WDFY4: variants seen among roughly 807,000 people sequenced by gnomAD.
The protein encoded by WDFY4 is WDFY family member 4.
In WDFY4, 169 loss-of-function variants were observed where a neutral mutation model predicts 351.9. That is an observed-to-expected ratio of 0.48 (90% CI 0.42 to 0.55). The LOEUF (loss-of-function observed/expected upper bound fraction) is 0.55. Among genes scored for constraint, WDFY4 ranks in the 20% least tolerant of loss-of-function variants. WDFY4 has a pLI of 0.00. For missense variants in WDFY4, 3,803 were observed against 3,935.6 expected, an observed-to-expected ratio of 0.97 and a Z score of 0.90; for synonymous variants, 1,622 against 1,574.6, an observed-to-expected ratio of 1.03 and a Z score of -0.71.
At chr10:48,812,179 C>CTTTTTTTTTT (rs1355851618) in intron 30 of WDFY4, among the ~76,000 whole-genome samples, 3 of 134,568 alleles carry the variant, frequency 2.2e-5, no homozygotes, top group African/African-American at 6.3e-5. Flanking sequence ...TCTTTCTTTT[C>CTTTTTTTTTT]TTTTTTTTTT....
intron 48 of WDFY4, 26 bp downstream of exon 48, chr10:48,941,874 C>A: frequency 6.4e-7 from 1 of 1,551,444 alleles, no homozygotes. Context: ...CAGAGGGAAG[C>A]CCTCTGGGAA....
intron 47 of WDFY4, among the ~76,000 whole-genome samples, chr10:48,904,111 G>A (rs1837497365): frequency 6.6e-6 from 1 of 152,206 alleles, no homozygotes; most frequent in Admixed American, 6.5e-5. Context: ...AGTCATTGAT[G>A]ACCTTCAATA....
chr10:48,760,551 G>A (rs11101460), intron 13 of WDFY4, 111 bp downstream of exon 13: 85,636 of 1,030,262 alleles, frequency 0.083, 4,318 homozygotes, highest in South Asian at 0.18. Flanking sequence ...AGTGCCCTGC[G>A]TTAGCAGAGC....
At chr10:48,701,234 C>T (rs751106035) in intron 1 of WDFY4, among the ~76,000 whole-genome samples, 15 of 152,214 alleles carry the variant, frequency 9.9e-5, no homozygotes, top group Non-Finnish European at 2.1e-4. Flanking sequence ...CAGGGTTCAT[C>T]CATGTCGTAG....
intron 1 of WDFY4, among the ~76,000 whole-genome samples, chr10:48,698,814 C>T (rs1167892520): frequency 2.0e-5 from 3 of 152,164 alleles, no homozygotes; most frequent in African/African-American, 7.2e-5. Context: ...AGAAACAGAA[C>T]AATAGGATGT....
intron 13 of WDFY4, among the ~76,000 whole-genome samples, chr10:48,770,829 G>A (rs1409124545): frequency 6.6e-6 from 1 of 152,204 alleles, no homozygotes; most frequent in Non-Finnish European, 1.5e-5. Context: ...CACATTCTGG[G>A]GAAGGGGACC....
intron 47 of WDFY4, among the ~76,000 whole-genome samples, chr10:48,905,685 G>T (rs1370579865): frequency 6.6e-6 from 1 of 152,234 alleles, no homozygotes; most frequent in Non-Finnish European, 1.5e-5. Context: ...GAGAGCCTCA[G>T]CAAAATGCGG....
intron 47 of WDFY4, among the ~76,000 whole-genome samples, chr10:48,912,290 G>A (rs575238264): frequency 6.6e-6 from 1 of 152,322 alleles, no homozygotes; most frequent in African/African-American, 2.4e-5. Context: ...CTTCTGCTGA[G>A]TACGTTCTCC....
chr10:48,730,110 C>G (rs1229716182), intron 8 of WDFY4, among the ~76,000 whole-genome samples: 3 of 152,236 alleles, frequency 2.0e-5, no homozygotes, highest in African/African-American at 7.2e-5. Context: ...GCATCAGGCA[C>G]AGCCATGACC....
rs1565198704 is a variant in WDFY4 at position 48,787,907 on chromosome 10, TTCTTCTTCTTC to T, written c.3809-621_3809-611del. On this transcript the variant is annotated intron_variant, in intron 20 of 61. Transcript: ENST00000325239. The stretch of plus-strand genomic sequence containing the variant: ...CTTCTTCTTCTCCTTCTTCTTCTTC[TTCTTCTTCTTC>T]TTCTTCTTCTTCTTCTTCTTCTTCT... Among the ~76,000 whole-genome samples, 216 of 37,834 alleles carry T rather than the reference TTCTTCTTCTTC, an allele frequency of 5.7e-3. 4 individuals are homozygous for T. Among genetic ancestry groups the T allele is most frequent in the East Asian group, 8.6e-3 (12 of 1,388 alleles). 24.8% of individuals were successfully genotyped at this position (37,834 alleles called of 152,430 possible).
chr10:48,790,727 G>A lies in WDFY4; in HGVS notation c.4067G>A (p.Gly1356Glu). The A allele has an allele frequency of 6.4e-7, 1 of 1,551,634 alleles. No homozygotes were observed. The highest frequency in any genetic ancestry group is 8.7e-7 in the Non-Finnish European group (1 of 1,146,916). The change falls in exon 23 of 62, where the codon GGG becomes GAG. Residue 1356 changes from glycine (G) to glutamate (E), a missense_variant and splice_region_variant. Physicochemically the swap from Gly to Glu is moderately conservative, Grantham distance 98 (BLOSUM62 -2). Transcript: ENST00000325239. Reference sequence around the variant, plus strand: ...GAAATGCCCACTTTATGCCACACAGGGGTGAGGGTATTCCACTCCAGCCCT... The same window carrying A: ...GAAATGCCCACTTTATGCCACACAGAGGTGAGGGTATTCCACTCCAGCCCT... ...TIGAVAVGQLGVRVFHSSPAA... is the reference protein window; with the variant it reads ...TIGAVAVGQLEVRVFHSSPAA...
At position 48,959,785 on chromosome 10, in the gene WDFY4, C is replaced by T. The variant is rs1279329484; in HGVS notation, c.8195C>T (p.Pro2732Leu). The T allele has an allele frequency of 6.4e-7, 1 of 1,551,176 alleles. No homozygotes were observed. The highest frequency in any genetic ancestry group is 1.4e-5 in the African/African-American group (1 of 73,114). Residue 2732 changes from proline (P) to leucine (L), a missense_variant, in exon 53 of 62, where the codon CCT becomes CTT. Pro to Leu is a moderately conservative substitution (Grantham distance 98, BLOSUM62 -3). Transcript: ENST00000325239. ...VQLPPWADGDPRKFISLHRKA... is the reference protein window; with the variant it reads ...VQLPPWADGDLRKFISLHRKA... ...CTCCCTCCCTGGGCTGATGGGGACC[C>T]TCGGAAATTCATCAGCCTGCACAGA...
At chr10:48,723,747 A>G (rs2064170024) in intron 5 of WDFY4, among the ~76,000 whole-genome samples, 180 bp downstream of exon 5, 1 of 151,956 alleles carries the variant, frequency 6.6e-6, no homozygotes, top group African/African-American at 2.4e-5. Context: ...CCCCACTAGC[A>G]AAATAGTAGC....
Position 48,969,243 on chromosome 10 carries a change from G to C in WDFY4, c.8764G>C (p.Asp2922His). The stretch of plus-strand genomic sequence containing the variant: ...CTGCTGCTTGGGGAGCTACGGCTCC[G>C]ACAAGGTGAGGGGGCTGCAGGGAGC... Reference protein sequence around the residue: ...FSCCLGSYGSDKVLMTFENLA... With the variant: ...FSCCLGSYGSHKVLMTFENLA... Residue 2922 changes from aspartate (D) to histidine (H), a missense_variant, in exon 56 of 62, where the codon GAC (aspartate) becomes CAC (histidine). Physicochemically the swap from Asp to His is moderately conservative, Grantham distance 81. Transcript: ENST00000325239. 1 of 1,551,200 alleles carries C rather than the reference G, an allele frequency of 6.4e-7. No homozygotes were observed. The highest frequency in any genetic ancestry group is 1.4e-5 in the African/African-American group (1 of 73,154).
chr10:48,835,089 A>G (rs1415599340), intron 39 of WDFY4, among the ~76,000 whole-genome samples: 1 of 152,212 alleles, frequency 6.6e-6, no homozygotes, highest in Admixed American at 6.5e-5. Flanking sequence ...ACAAATATTT[A>G]TTGAGCACTT....
intron 13 of WDFY4, among the ~76,000 whole-genome samples, chr10:48,761,278 T>A (rs546414743): frequency 2.0e-5 from 3 of 152,234 alleles, no homozygotes; most frequent in African/African-American, 7.2e-5. Context: ...GCCTTGCCAA[T>A]GTAAATGATA....
intron 25 of WDFY4, 120 bp from the exon 26 acceptor site, chr10:48,805,140 G>A: frequency 8.6e-7 from 1 of 1,165,134 alleles, no homozygotes. Flanking sequence ...ATTGCCAAGA[G>A]AGCATTGGAG....
intron 39 of WDFY4, among the ~76,000 whole-genome samples, chr10:48,858,575 C>G (rs2069225592): frequency 6.6e-6 from 1 of 152,214 alleles, no homozygotes; most frequent in Non-Finnish European, 1.5e-5. Context: ...CTATTCCTCT[C>G]TCAGTACCGC....
chr10:48,793,057 G>A (rs1335738616), intron 23 of WDFY4, among the ~76,000 whole-genome samples: 1 of 152,248 alleles, frequency 6.6e-6, no homozygotes, highest in African/African-American at 2.4e-5. Context: ...AGCTGACTGA[G>A]CTTTCCAGGA....
Sources: allele counts gnomAD v4.1 joint callset (sites outside exome capture counted in the v4.1 genomes callset), GRCh38; gene constraint gnomAD v4.1.1; transcripts MANE v1.5; gene names NCBI Gene and HGNC (gene_info 2026-07-23, HGNC 2026-07-21).